The following CLSTN2 variants were observed in gnomAD, a reference collection of about 807,000 sequenced individuals.
CLSTN2 encodes the protein calsyntenin-2.
A neutral mutation model predicts 101.2 loss-of-function variants in CLSTN2; 48 were observed. That is an observed-to-expected ratio of 0.47 (90% CI 0.38 to 0.60). The LOEUF is 0.60. CLSTN2 is among the 20% of genes least tolerant of loss of function. The pLI is 0.00. For synonymous variants in CLSTN2, 481 were observed against 463.6 expected (o/e 1.04, Z -0.48); for missense variants, 1,160 against 1,238.2 (o/e 0.94, Z 0.95).
At chr3:140,231,785 G>A (rs2086373874) in intron 2 of CLSTN2, among the ~76,000 whole-genome samples, 1 of 152,152 alleles carries the variant, frequency 6.6e-6, no homozygotes, top group Non-Finnish European at 1.5e-5. Context: ...CATAATGCCT[G>A]GTATATGATA....
At chr3:140,497,057 C>T (rs948068918) in intron 8 of CLSTN2, among the ~76,000 whole-genome samples, 3 of 147,944 alleles carry the variant, frequency 2.0e-5, no homozygotes, top group Non-Finnish European at 4.4e-5. Flanking sequence ...GCCGAGATTG[C>T]GCTATTAACC....
chr3:140,460,259 T>C (rs1317542051), intron 7 of CLSTN2: 1 of 164,598 alleles, frequency 6.1e-6, no homozygotes, highest in Non-Finnish European at 1.3e-5. Flanking sequence ...TACCATTCGA[T>C]AGGCTTTTCA....
chr3:140,035,992 C>T (rs747074227), intron 1 of CLSTN2, among the ~76,000 whole-genome samples: 1 of 152,224 alleles, frequency 6.6e-6, no homozygotes, highest in Non-Finnish European at 1.5e-5. Flanking sequence ...AGCCAGGGCT[C>T]CCTGTCATGA....
chr3:140,368,100 G>A (rs764254308), intron 2 of CLSTN2, among the ~76,000 whole-genome samples: 1 of 152,148 alleles, frequency 6.6e-6, no homozygotes, highest in Non-Finnish European at 1.5e-5. Context: ...CCTAAAATGA[G>A]CCAATCACTG....
At chr3:140,299,970 G>A (rs1367425453) in intron 2 of CLSTN2, among the ~76,000 whole-genome samples, 4 of 152,124 alleles carry the variant, frequency 2.6e-5, no homozygotes, top group African/African-American at 9.7e-5. Context: ...ATGGTTTTGT[G>A]TACAGCCTTG....
intron 1 of CLSTN2, among the ~76,000 whole-genome samples, chr3:140,148,511 A>G (rs2009815118): frequency 2.0e-5 from 3 of 152,182 alleles, no homozygotes; most frequent in African/African-American, 4.8e-5. Flanking sequence ...TTTATTTTTC[A>G]TAATGACCCA....
intron 2 of CLSTN2, among the ~76,000 whole-genome samples, chr3:140,304,007 A>G (rs1490467049): frequency 6.6e-6 from 1 of 152,010 alleles, no homozygotes; most frequent in Non-Finnish European, 1.5e-5. Context: ...TGAAATAGCA[A>G]CCAGAAAACC....
intron 1 of CLSTN2, among the ~76,000 whole-genome samples, chr3:139,942,018 C>T (rs1318162056): frequency 6.6e-6 from 1 of 152,084 alleles, no homozygotes; most frequent in Non-Finnish European, 1.5e-5. Context: ...GGTGGTAAAA[C>T]TGGGGTTACA....
intron 1 of CLSTN2, among the ~76,000 whole-genome samples, chr3:139,955,099 T>C (rs1935366337): frequency 7.4e-6 from 1 of 134,598 alleles, no homozygotes; most frequent in Admixed American, 8.0e-5. Flanking sequence ...TACATGTATA[T>C]ATGGCAATAT....
At chr3:140,351,792 G>GTTTTTT (rs398062856) in intron 2 of CLSTN2, among the ~76,000 whole-genome samples, 1 of 147,030 alleles carries the variant, frequency 6.8e-6, no homozygotes. Context: ...GTTTTGTTTT[G>GTTTTTT]TTTTTTTTTT....
chr3:140,222,390 A>AT (rs1479682661), intron 2 of CLSTN2, among the ~76,000 whole-genome samples: 2 of 152,220 alleles, frequency 1.3e-5, no homozygotes, highest in Non-Finnish European at 2.9e-5. Context: ...CTTAGAAAGA[A>AT]TCAATAAGGC....
chr3:140,315,025 T>A (rs1048870724), intron 2 of CLSTN2, among the ~76,000 whole-genome samples: 2 of 152,204 alleles, frequency 1.3e-5, no homozygotes, highest in African/African-American at 4.8e-5. Flanking sequence ...GAGAGTTAGA[T>A]CACTTTCCAG....
At chr3:140,122,437 C>T (rs1021000942) in intron 1 of CLSTN2, among the ~76,000 whole-genome samples, 3 of 152,152 alleles carry the variant, frequency 2.0e-5, no homozygotes, top group Admixed American at 6.5e-5. Context: ...AATGGAATCA[C>T]GTTAGCTAAA....
intron 1 of CLSTN2, among the ~76,000 whole-genome samples, chr3:140,135,564 A>T (rs1281382403): frequency 6.6e-6 from 1 of 152,208 alleles, no homozygotes; most frequent in Non-Finnish European, 1.5e-5. Context: ...AAAGCTGCTG[A>T]AGGAGGAAAC....
At chr3:140,115,760 A>T (rs1406135544) in intron 1 of CLSTN2, among the ~76,000 whole-genome samples, 1 of 152,226 alleles carries the variant, frequency 6.6e-6, no homozygotes, top group African/African-American at 2.4e-5. Flanking sequence ...GTCTTCACTG[A>T]GAAAACGTCC....
chr3:140,123,166 C>CG (rs1197231138), intron 1 of CLSTN2, among the ~76,000 whole-genome samples: 13 of 60,302 alleles, frequency 2.2e-4, no homozygotes, highest in Non-Finnish European at 4.1e-4. Flanking sequence ...TCCTCCAGGG[C>CG]GGGGGGGTGG....
intron 1 of CLSTN2, among the ~76,000 whole-genome samples, chr3:139,982,079 A>G (rs1468525866): frequency 6.6e-6 from 1 of 152,084 alleles, no homozygotes; most frequent in Admixed American, 6.6e-5. Context: ...ATAATAATTT[A>G]TTTGCTACTC....
At position 140,478,872 on chromosome 3, in the gene CLSTN2, G is replaced by GAGGAAGGAAGGA. The variant is rs34907334; in HGVS notation, c.1344+12165_1344+12176dup. 2.6e-3 allele frequency among the ~76,000 whole-genome samples: 373 copies of GAGGAAGGAAGGA among 141,508 alleles called. 5 individuals carry two copies. Among genetic ancestry groups the GAGGAAGGAAGGA allele is most frequent in the Middle Eastern group, 3.5e-3 (1 of 284 alleles). 92.8% of individuals were successfully genotyped at this position (141,508 alleles called of 152,430 possible). On this transcript the variant is annotated intron_variant, in intron 8 of 16. Transcript: ENST00000458420. ...AGAAAGGAAGGAAGGAAGGGGGAAGGAGGAAGGAAGGAAGGAAGGAAGGAA... is the reference window on the plus strand; with the variant it reads ...AGAAAGGAAGGAAGGAAGGGGGAAGGAGGAAGGAAGGAAGGAAGGAAGGAAGGAAGGAAGGAA...
At chr3:140,462,965 G>T (rs1559876923) in intron 7 of CLSTN2, 1 of 152,202 alleles carries the variant, frequency 6.6e-6, no homozygotes, top group Non-Finnish European at 1.5e-5. Context: ...ACCTACCCAT[G>T]GGGGAGGCTG....
Sources: allele counts gnomAD v4.1 joint callset (sites outside exome capture counted in the v4.1 genomes callset), GRCh38; gene constraint gnomAD v4.1.1; transcripts MANE v1.5; gene names NCBI Gene and HGNC (gene_info 2026-07-23, HGNC 2026-07-21).